EPS8: variants seen among roughly 807,000 people sequenced by gnomAD.
EPS8 encodes the protein EGFR pathway substrate 8, signaling adaptor.
In EPS8, 42 loss-of-function variants were observed where a neutral mutation model predicts 103.8. The ratio of observed to expected loss-of-function variants is 0.40; its 90% CI spans 0.32 to 0.52. The LOEUF (loss-of-function observed/expected upper bound fraction) is 0.52, where lower values mean the gene tolerates loss of function less well. Ranked by LOEUF, EPS8 falls within the 20% of genes least tolerant of loss-of-function variation. The pLI is 0.40. For synonymous variants in EPS8, 344 were observed against 344.6 expected (o/e 1.00, Z 0.02); for missense variants, 969 against 1,005.1 (o/e 0.96, Z 0.49).
intron 1 of EPS8, among the ~76,000 whole-genome samples, chr12:15,753,673 A>T (rs922294357): frequency 1.3e-5 from 2 of 152,202 alleles, no homozygotes; most frequent in Admixed American, 1.3e-4. Context: ...TAGTGATCAA[A>T]ATAATGATAT....
At chr12:15,637,463 T>C (rs1945155849) in intron 17 of EPS8, among the ~76,000 whole-genome samples, 1 of 152,228 alleles carries the variant, frequency 6.6e-6, no homozygotes, top group South Asian at 2.1e-4. Context: ...TACACCTTAG[T>C]TTCCTACAAA....
At chr12:15,782,257 C>A (rs1484009042) in intron 1 of EPS8, 3 of 151,970 alleles carry the variant, frequency 2.0e-5, no homozygotes, top group Non-Finnish European at 4.4e-5. Flanking sequence ...CTTTGGGAGG[C>A]CAACTTGGAA....
chr12:15,681,326 A>C, intron 2 of EPS8, 24 bp from the exon 3 acceptor site: 1 of 987,064 alleles, frequency 1.0e-6, no homozygotes, highest in Non-Finnish European at 1.4e-6. Flanking sequence ...AATAATAATA[A>C]TAATAATAAT....
chr12:15,768,873 T>C (rs1255778210), intron 1 of EPS8, among the ~76,000 whole-genome samples: 3 of 152,350 alleles, frequency 2.0e-5, no homozygotes, highest in Admixed American at 6.5e-5. Flanking sequence ...TTTACACACC[T>C]TTTGATTCAA....
chr12:15,658,615 G>C, intron 10 of EPS8, 30 bp from the exon 11 acceptor site: 2 of 1,421,472 alleles, frequency 1.4e-6, no homozygotes, highest in Non-Finnish European at 2.0e-6. Context: ...GAGAGGATCA[G>C]AGCAAAATCC....
Position 15,658,129 on chromosome 12 carries a change from T to A in EPS8, c.1051A>T (p.Asn351Tyr), listed in dbSNP as rs1945540252. 6.2e-7 allele frequency: 1 copy of A among 1,611,378 alleles called. No homozygotes were observed. Among genetic ancestry groups the A allele is most frequent in the Non-Finnish European group, 8.5e-7 (1 of 1,178,208 alleles). ...TGAACCAAATCTGCAGCACTAGGAT[T>A]CTGAATATGAGACTTCAGTTTGGCC... ...LLAKLKSHIQ[N>Y]PSAADLVHFL... The change falls in exon 12 of 21, where the codon AAT becomes TAT. Residue 351 changes from asparagine to tyrosine, a missense_variant. Coordinates refer to ENST00000281172, the MANE Select transcript of EPS8 (RefSeq NM_004447.6).
rs574322175 is a variant in EPS8, at chr12:15,733,193, G to A, written c.-21-50221C>T. Among the ~76,000 whole-genome samples the A allele has an allele frequency of 6.6e-6, 1 of 152,198 alleles. No individual in the cohort carries two copies. The highest frequency in any genetic ancestry group is 2.1e-4 in the South Asian group (1 of 4,818). ...AGGTTTAATTGACTCACAGTTCCAC[G>A]GGCTTAACAGGAAGCATAGCTGAGA... On this transcript the variant is annotated intron_variant, in intron 1 of 20. Coordinates refer to ENST00000281172, the MANE Select transcript of EPS8 (RefSeq NM_004447.6). This position sits in a 1 kb window ranked among gnomAD's most constrained non-coding sequence, Gnocchi z 4.8.
At chr12:15,636,222 C>G (rs1046176325) in intron 17 of EPS8, among the ~76,000 whole-genome samples, 1 of 152,114 alleles carries the variant, frequency 6.6e-6, no homozygotes, top group African/African-American at 2.4e-5. Flanking sequence ...TGCTGCCCAG[C>G]TAAAATACTA....
intron 1 of EPS8, among the ~76,000 whole-genome samples, chr12:15,711,567 T>C (rs946369417): frequency 6.6e-6 from 1 of 152,092 alleles, no homozygotes; most frequent in African/African-American, 2.4e-5. Context: ...TCCAAGAACA[T>C]ATATGGAGAT....
chr12:15,718,527 G>T (rs1454063434), intron 1 of EPS8, among the ~76,000 whole-genome samples: 1 of 152,090 alleles, frequency 6.6e-6, no homozygotes, highest in Non-Finnish European at 1.5e-5. Context: ...AATTGAAGCA[G>T]GGAAAATGAA....
At chr12:15,645,047 T>C (rs1387827495) in intron 15 of EPS8, among the ~76,000 whole-genome samples, 2 of 152,118 alleles carry the variant, frequency 1.3e-5, no homozygotes, top group South Asian at 2.1e-4. Flanking sequence ...TTCTGACCAC[T>C]CTAGACTATT....
rs1320325464 is a variant in EPS8 at position 15,747,231 on chromosome 12, T to G, written c.-22+41930A>C. On this transcript the variant is annotated intron_variant, in intron 1 of 20. Coordinates refer to ENST00000281172, the MANE Select transcript of EPS8 (RefSeq NM_004447.6). This position sits in a 1 kb window ranked among gnomAD's most constrained non-coding sequence, Gnocchi z 4.4. ...ACTTTAAAACTTAACCTGTATAAAC[T>G]GTGGCTCTAATGTAAAGACTCAATA... Among the ~76,000 whole-genome samples the G allele has an allele frequency of 6.6e-6, 1 of 152,210 alleles. No individual in the cohort carries two copies. The highest frequency in any genetic ancestry group is 1.9e-4 in the East Asian group (1 of 5,202).
rs138478170 is a variant in EPS8, at chr12:15,787,762, CA to C, written c.-22+1398del. ...TATTATCACTATTGCATTTGTGATA[CA>C]TTCTACCTTACCCTTTATGTGACAA... On this transcript the variant is annotated intron_variant, in intron 1 of 20. Coordinates refer to ENST00000281172, the MANE Select transcript of EPS8 (RefSeq NM_004447.6). This position sits in a 1 kb window ranked among gnomAD's most constrained non-coding sequence, Gnocchi z 4.9. 0.02 allele frequency among the ~76,000 whole-genome samples: 2,998 copies of C among 152,244 alleles called. 95 individuals are homozygous for C. The highest frequency in any genetic ancestry group is 0.069 in the African/African-American group (2,846 of 41,522).
intron 13 of EPS8, among the ~76,000 whole-genome samples, chr12:15,653,821 G>A (rs1945459497): frequency 6.6e-6 from 1 of 152,186 alleles, no homozygotes; most frequent in East Asian, 1.9e-4. Flanking sequence ...ATGTGTATGT[G>A]TGTGTGAACC....
chr12:15,665,924 C>A (rs764262454), intron 7 of EPS8, 32 bp from the exon 8 acceptor site: 3 of 1,604,464 alleles, frequency 1.9e-6, no homozygotes, highest in Non-Finnish European at 2.6e-6. Flanking sequence ...AGAATTTTTA[C>A]CATCTCTATT....
rs945348488 is a variant in EPS8 at position 15,769,396 on chromosome 12, A to G, written c.-22+19765T>C. Among the ~76,000 whole-genome samples, 1 of 152,206 alleles carries G rather than the reference A, an allele frequency of 6.6e-6. No individual in the cohort carries two copies. The highest frequency in any genetic ancestry group is 6.5e-5 in the Admixed American group (1 of 15,278). On this transcript the variant is annotated intron_variant, in intron 1 of 20. Transcript: ENST00000281172. The surrounding 1 kb of genome is among the most constrained non-coding windows in gnomAD (Gnocchi z 4.6). ...ATACAACAAGAATAAGAAAAAATAAATGAAAAATGCATTTTCAAGGATATA... is the reference window on the plus strand; with the variant it reads ...ATACAACAAGAATAAGAAAAAATAAGTGAAAAATGCATTTTCAAGGATATA...
At chr12:15,622,918 C>T (rs1200192401) in intron 20 of EPS8, among the ~76,000 whole-genome samples, 3 of 152,016 alleles carry the variant, frequency 2.0e-5, no homozygotes, top group African/African-American at 7.2e-5. Flanking sequence ...AAAATGAGAA[C>T]ATTATGCTTT....
At chr12:15,664,524 T>C (rs953715432) in intron 8 of EPS8, among the ~76,000 whole-genome samples, 5 of 152,210 alleles carry the variant, frequency 3.3e-5, no homozygotes, top group African/African-American at 9.6e-5. Context: ...CCATGAATTA[T>C]TATCCCCATT....
At chr12:15,657,501 T>C (rs2135805500) in intron 12 of EPS8, among the ~76,000 whole-genome samples, 1 of 152,354 alleles carries the variant, frequency 6.6e-6, no homozygotes, top group African/African-American at 2.4e-5. Context: ...TACCCCACTA[T>C]GTTACAATAT....
Sources: gnomAD v4.1 joint callset for allele counts (sites outside exome capture counted in the v4.1 genomes callset) on GRCh38, gnomAD v4.1.1 for gene constraint, Gnocchi (gnomAD v3.1) non-coding constraint, MANE v1.5 for transcripts, NCBI Gene and HGNC (gene_info 2026-07-23, HGNC 2026-07-21) for gene names.